The following REDIC1 variants were observed in gnomAD, a reference collection of about 807,000 sequenced individuals.
The protein encoded by REDIC1 is HEI10 Interacting Protein 1.
chr12:39,643,675 AG>A, the REDIC1 span: 1 of 809,506 alleles, frequency 1.2e-6, no homozygotes, highest in East Asian at 2.9e-5. Flanking sequence ...AAAATATAAA[AG>A]TATCAAGTCA....
At chr12:39,829,389 A>ATTATTTTTTTT in the REDIC1 span, 1 of 65,778 alleles carries the variant, frequency 1.5e-5, no homozygotes, top group African/African-American at 6.7e-5. Flanking sequence ...TGTGATAGTA[A>ATTATTTTTTTT]TTCTTTTTTT....
At chr12:39,668,670 T>C in the REDIC1 span, among the ~76,000 whole-genome samples, 2 of 152,352 alleles carry the variant, frequency 1.3e-5, no homozygotes, top group Non-Finnish European at 1.5e-5. Flanking sequence ...GGTTCCGTTC[T>C]CCCTGTCACT....
chr12:39,824,497 C>T, the REDIC1 span, among the ~76,000 whole-genome samples: 206 of 152,282 alleles, frequency 1.4e-3, 2 homozygotes, highest in African/African-American at 4.6e-3. Flanking sequence ...TGTGTTCAAT[C>T]GGAGTCAGTT....
At chr12:39,632,478 C>A in the REDIC1 span, among the ~76,000 whole-genome samples, 1 of 151,816 alleles carries the variant, frequency 6.6e-6, no homozygotes, top group African/African-American at 2.4e-5. Context: ...ATATTTTTGT[C>A]CACAAATAAC....
chr12:39,906,961 A>G, the REDIC1 span, among the ~76,000 whole-genome samples: 1 of 152,148 alleles, frequency 6.6e-6, no homozygotes, highest in African/African-American at 2.4e-5. Context: ...AAATAGAAAA[A>G]TCAGTTGCTC....
chr12:39,881,248 G>A, the REDIC1 span, among the ~76,000 whole-genome samples: 11 of 152,004 alleles, frequency 7.2e-5, no homozygotes, highest in East Asian at 1.9e-4. Context: ...TTGCCCTTGG[G>A]TTTCTTCATA....
the REDIC1 span, among the ~76,000 whole-genome samples, chr12:39,858,084 C>A: frequency 6.6e-6 from 1 of 152,140 alleles, no homozygotes; most frequent in African/African-American, 2.4e-5. Flanking sequence ...AAGAATATGT[C>A]CCATAAATGG....
the REDIC1 span, among the ~76,000 whole-genome samples, chr12:39,864,085 T>C: frequency 7.5e-3 from 1,136 of 152,326 alleles, 10 homozygotes; most frequent in African/African-American, 0.026. Context: ...CTGCCAAATA[T>C]ATTAATCGAT....
the REDIC1 span, among the ~76,000 whole-genome samples, chr12:39,627,307 G>A: frequency 2.0e-5 from 3 of 152,152 alleles, no homozygotes; most frequent in African/African-American, 2.4e-5. Flanking sequence ...GGCAGCAGAC[G>A]TACTCTGGAG....
At chr12:39,823,654 G>A in the REDIC1 span, among the ~76,000 whole-genome samples, 2 of 152,026 alleles carry the variant, frequency 1.3e-5, no homozygotes, top group African/African-American at 4.8e-5. Context: ...CTGCTATGTT[G>A]CCCAGGCTGG....
chr12:39,793,354 G>A, the REDIC1 span, among the ~76,000 whole-genome samples: 1 of 152,052 alleles, frequency 6.6e-6, no homozygotes, highest in Non-Finnish European at 1.5e-5. Flanking sequence ...ATGCAGAGAT[G>A]TACCTTGTTT....
the REDIC1 span, chr12:39,764,313 T>C: frequency 7.6e-6 from 5 of 659,200 alleles, no homozygotes; most frequent in Non-Finnish European, 1.2e-5. Context: ...ACATTTCCGA[T>C]GCCTTTGGAG....
the REDIC1 span, among the ~76,000 whole-genome samples, chr12:39,728,029 C>T: frequency 8.5e-4 from 130 of 152,280 alleles, no homozygotes; most frequent in Non-Finnish European, 1.5e-3. Flanking sequence ...CCTGAAGTTG[C>T]TTATCAGCTT....
At chr12:39,776,270 C>CAGTCACT in the REDIC1 span, among the ~76,000 whole-genome samples, 1 of 152,020 alleles carries the variant, frequency 6.6e-6, no homozygotes, top group African/African-American at 2.4e-5. Context: ...ATTTATACTA[C>CAGTCACT]ACACTGCTTC....
the REDIC1 span, among the ~76,000 whole-genome samples, chr12:39,838,820 G>C: frequency 6.6e-6 from 1 of 152,050 alleles, no homozygotes; most frequent in Non-Finnish European, 1.5e-5. Context: ...AGCTGGGTGT[G>C]AACTCAGCCC....
the REDIC1 span, among the ~76,000 whole-genome samples, chr12:39,691,407 A>G: frequency 6.6e-6 from 1 of 152,166 alleles, no homozygotes; most frequent in African/African-American, 2.4e-5. Context: ...TAATTCATAT[A>G]GTAAGCCATA....
the REDIC1 span, among the ~76,000 whole-genome samples, chr12:39,899,164 T>C: frequency 1.3e-5 from 2 of 152,132 alleles, no homozygotes; most frequent in Non-Finnish European, 2.9e-5. Context: ...TCAGAGCCTG[T>C]TATTGGTCTA....
chr12:39,783,203 T>A, the REDIC1 span, among the ~76,000 whole-genome samples: 1 of 152,218 alleles, frequency 6.6e-6, no homozygotes, highest in Non-Finnish European at 1.5e-5. Context: ...CATGAACTCA[T>A]CCTTTTTTAT....
At chr12:39,840,827 T>C in the REDIC1 span, among the ~76,000 whole-genome samples, 1 of 152,080 alleles carries the variant, frequency 6.6e-6, no homozygotes, top group African/African-American at 2.4e-5. Flanking sequence ...TCCTAGAGAT[T>C]TCCATGTTGC....
Sources: allele counts gnomAD v4.1 joint callset (sites outside exome capture counted in the v4.1 genomes callset), GRCh38; gene constraint gnomAD v4.1.1; transcripts MANE v1.5; gene names NCBI Gene and HGNC (gene_info 2026-07-23, HGNC 2026-07-21).